LRBA: variants seen among roughly 807,000 people sequenced by gnomAD.
LRBA encodes lipopolysaccharide-responsive and beige-like anchor protein.
LRBA carries 176 observed loss-of-function variants against 330.0 expected under a neutral mutation model. That is an observed-to-expected ratio of 0.53 (90% confidence interval 0.47 to 0.60). LRBA has a LOEUF of 0.60. Among genes scored for constraint, LRBA ranks in the 20% least tolerant of loss-of-function variants. The pLI, the probability that LRBA is intolerant of heterozygous loss-of-function variation, is 0.00. For synonymous variants in LRBA, 1,230 were observed against 1,193.0 expected (o/e 1.03, Z -0.64); for missense variants, 3,259 against 3,444.8 (o/e 0.95, Z 1.35).
chr4:150,651,922 G>C (rs570270555), intron 37 of LRBA, among the ~76,000 whole-genome samples: 2 of 152,076 alleles, frequency 1.3e-5, no homozygotes, highest in African/African-American at 4.8e-5. Flanking sequence ...GAGTGCACTG[G>C]TGCCTTGATC....
At chr4:150,521,279 AT>A (rs1318500737) in intron 40 of LRBA, among the ~76,000 whole-genome samples, 2 of 152,068 alleles carry the variant, frequency 1.3e-5, no homozygotes, top group Admixed American at 6.6e-5. Context: ...TGACTTCTTA[AT>A]GATGAGCCTC....
At chr4:150,850,316 G>A (rs909751276) in intron 24 of LRBA, among the ~76,000 whole-genome samples, 3 of 151,996 alleles carry the variant, frequency 2.0e-5, no homozygotes, top group Admixed American at 6.6e-5. Flanking sequence ...GGATGGTCTC[G>A]ACCTCCTGAC....
intron 47 of LRBA, among the ~76,000 whole-genome samples, chr4:150,356,162 CCAT>C (rs1737816641): frequency 6.6e-6 from 1 of 151,922 alleles, no homozygotes; most frequent in Admixed American, 6.6e-5. Context: ...GAGTTTCTTT[CCAT>C]GTCAACTTTG....
At chr4:150,307,194 T>C (rs1237635227) in intron 52 of LRBA, among the ~76,000 whole-genome samples, 1 of 152,080 alleles carries the variant, frequency 6.6e-6, no homozygotes, top group African/African-American at 2.4e-5. Context: ...TGGTTTGTGA[T>C]TCCATTTATA....
intron 40 of LRBA, among the ~76,000 whole-genome samples, chr4:150,529,432 A>G (rs1763820949): frequency 6.6e-6 from 1 of 152,164 alleles, no homozygotes; most frequent in Non-Finnish European, 1.5e-5. Context: ...AAAAGCAATA[A>G]TCTGGCCAGG....
intron 40 of LRBA, among the ~76,000 whole-genome samples, chr4:150,565,147 C>A (rs1384230295): frequency 6.6e-6 from 1 of 152,138 alleles, no homozygotes; most frequent in Non-Finnish European, 1.5e-5. Context: ...AAATGTGGTA[C>A]ATATACACCA....
intron 36 of LRBA, among the ~76,000 whole-genome samples, chr4:150,718,627 T>C (rs1728547137): frequency 1.3e-5 from 2 of 152,146 alleles, no homozygotes; most frequent in South Asian, 2.1e-4. Flanking sequence ...GTAGAAGAGA[T>C]GAACAAATAT....
chr4:150,454,517 G>A (rs954618556), intron 44 of LRBA, among the ~76,000 whole-genome samples: 1 of 151,698 alleles, frequency 6.6e-6, no homozygotes, highest in African/African-American at 2.4e-5. Context: ...AATTTACTGA[G>A]ATAGGTCACA....
At chr4:150,478,570 C>T (rs1458590947) in intron 42 of LRBA, among the ~76,000 whole-genome samples, 3 of 152,176 alleles carry the variant, frequency 2.0e-5, no homozygotes, top group Admixed American at 1.3e-4. Context: ...CATCACATAT[C>T]ATCCAGATGT....
intron 51 of LRBA, among the ~76,000 whole-genome samples, chr4:150,311,593 G>A (rs985919671): frequency 6.6e-6 from 1 of 152,134 alleles, no homozygotes; most frequent in Non-Finnish European, 1.5e-5. Flanking sequence ...ACACAACACG[G>A]CACACACGTA....
chr4:150,786,750 G>C (rs765459143), intron 34 of LRBA, among the ~76,000 whole-genome samples: 9 of 152,180 alleles, frequency 5.9e-5, no homozygotes, highest in Non-Finnish European at 1.0e-4. Context: ...TAGGGAGGCT[G>C]ATCTGAGTAC....
intron 44 of LRBA, among the ~76,000 whole-genome samples, chr4:150,443,853 A>AAATATATATAT (rs70941406): frequency 4.1e-4 from 31 of 75,466 alleles, no homozygotes; most frequent in East Asian, 1.9e-3. Context: ...TAATTAAAAA[A>AAATATATATAT]ATATATATAT....
chr4:150,774,422 T>A (rs1055899893), intron 34 of LRBA, among the ~76,000 whole-genome samples: 1 of 152,202 alleles, frequency 6.6e-6, no homozygotes, highest in African/African-American at 2.4e-5. Context: ...TAACCCTTTC[T>A]CCTATCTCTT....
At chr4:150,564,168 G>C (rs754895203) in intron 40 of LRBA, among the ~76,000 whole-genome samples, 5 of 152,122 alleles carry the variant, frequency 3.3e-5, no homozygotes, top group Non-Finnish European at 5.9e-5. Context: ...AAACAGCATG[G>C]TACTGGTACC....
At chr4:150,867,933 A>C in intron 21 of LRBA, 70 bp from the exon 22 acceptor site, 3 of 1,299,614 alleles carry the variant, frequency 2.3e-6, no homozygotes, top group Non-Finnish European at 3.2e-6. Flanking sequence ...TAAAGGTTTA[A>C]AACAAAATAA....
At chr4:150,751,656 A>G (rs1051811678) in intron 35 of LRBA, among the ~76,000 whole-genome samples, 2 of 152,166 alleles carry the variant, frequency 1.3e-5, no homozygotes, top group Admixed American at 6.6e-5. Flanking sequence ...AGAGCATAAA[A>G]TGATTCACAT....
rs531833627 is a variant in LRBA, at chr4:150,539,209, C to T, written c.6331-48174G>A. ...CAGGATGGTCTCAATCTCTTGACGTCGTGATCCGCCCGCTGCGGCCTCCCA... is the reference window on the plus strand; with the variant it reads ...CAGGATGGTCTCAATCTCTTGACGTTGTGATCCGCCCGCTGCGGCCTCCCA... On this transcript the variant is annotated intron_variant, in intron 40 of 56. Coordinates refer to ENST00000651943, the MANE Select transcript of LRBA (RefSeq NM_001364905.1). 4.6e-5 allele frequency among the ~76,000 whole-genome samples: 7 copies of T among 152,236 alleles called. No individual in the cohort carries two copies. The South Asian group carries it at 1.5e-3, about 32-fold the overall frequency.
intron 2 of LRBA, among the ~76,000 whole-genome samples, chr4:150,979,427 A>G (rs1740584895): frequency 6.6e-6 from 1 of 152,224 alleles, no homozygotes; most frequent in South Asian, 2.1e-4. Context: ...AGATGTTAGT[A>G]AGCAACAAGA....
chr4:150,565,523 A>G (rs905717317), intron 40 of LRBA, among the ~76,000 whole-genome samples: 1 of 152,178 alleles, frequency 6.6e-6, no homozygotes, highest in African/African-American at 2.4e-5. Context: ...AAATGTAAAA[A>G]AAATAAAATC....
Sources: allele counts gnomAD v4.1 joint callset (sites outside exome capture counted in the v4.1 genomes callset), GRCh38; gene constraint gnomAD v4.1.1; transcripts MANE v1.5; gene names NCBI Gene and HGNC (gene_info 2026-07-23, HGNC 2026-07-21).